KIF21A: variants seen among roughly 807,000 people sequenced by gnomAD.
KIF21A encodes kinesin-like protein KIF21A.
A neutral mutation model predicts 202.9 loss-of-function variants in KIF21A; 114 were observed. The observed-to-expected ratio is 0.56, with a 90% CI of 0.48 to 0.66. The LOEUF (loss-of-function observed/expected upper bound fraction) is 0.66, where lower values mean the gene tolerates loss of function less well. KIF21A is among the 30% of genes least tolerant of loss of function. The probability of loss-of-function intolerance (pLI) is 0.00; values close to 1 mark genes in which losing one functional copy is unlikely to be tolerated. For synonymous variants in KIF21A, 667 were observed against 670.8 expected, an observed-to-expected ratio of 0.99 and a Z score of 0.09; for missense variants, 1,677 against 1,994.9, an observed-to-expected ratio of 0.84 and a Z score of 3.04.
chr12:39,355,672 C>T (rs189236068), intron 10 of KIF21A, among the ~76,000 whole-genome samples: 174 of 136,458 alleles, frequency 1.3e-3, no homozygotes, highest in Non-Finnish European at 2.3e-4. Context: ...TGCAGTGCCT[C>T]AAAGGTCTCT....
At chr12:39,311,275 A>G in intron 32 of KIF21A, 142 bp downstream of exon 32, 2 of 719,674 alleles carry the variant, frequency 2.8e-6, no homozygotes, top group Non-Finnish European at 4.5e-6. Context: ...ATAATTTTAT[A>G]TATTTTACAT....
At chr12:39,309,163 C>A (rs1291106288) in intron 33 of KIF21A, among the ~76,000 whole-genome samples, 6 of 152,132 alleles carry the variant, frequency 3.9e-5, no homozygotes, top group African/African-American at 1.4e-4. Flanking sequence ...GCTTTTCAAT[C>A]TCTGTTAATT....
chr12:39,349,460 A>G (rs1252042481), intron 11 of KIF21A, among the ~76,000 whole-genome samples: 2 of 152,084 alleles, frequency 1.3e-5, no homozygotes, highest in Non-Finnish European at 2.9e-5. Flanking sequence ...AATGTAACTC[A>G]ACCAGAATCA....
intron 24 of KIF21A, among the ~76,000 whole-genome samples, chr12:39,329,301 A>G (rs1398837823): frequency 2.0e-5 from 3 of 152,230 alleles, no homozygotes; most frequent in African/African-American, 7.2e-5. Flanking sequence ...AATTTGTTTG[A>G]AAGTTGGAAA....
Position 39,301,662 on chromosome 12 carries a change from A to G in KIF21A, c.4749T>C (p.His1583=). 1 of 1,614,086 alleles carries G rather than the reference A, an allele frequency of 6.2e-7. No homozygotes were observed. Among genetic ancestry groups the G allele is most frequent in the Non-Finnish European group, 8.5e-7 (1 of 1,179,966 alleles). ...KDLLQQVPNA[H]KDWVCALGVV... Reference sequence around the variant, plus strand: ...CTCCCAGGGCACAGACCCAATCCTTATGTGCATTTGGAACTTGCTAAAAGA... The same window carrying G: ...CTCCCAGGGCACAGACCCAATCCTTGTGTGCATTTGGAACTTGCTAAAAGA... Residue 1583 remains histidine, a synonymous_variant, in exon 37 of 38, where the codon CAT becomes CAC. Coordinates refer to ENST00000361418, the MANE Select transcript of KIF21A (RefSeq NM_001173464.2).
intron 1 of KIF21A, among the ~76,000 whole-genome samples, chr12:39,388,031 A>T (rs968054067): frequency 1.3e-5 from 2 of 152,116 alleles, no homozygotes; most frequent in African/African-American, 4.8e-5. Context: ...AGTTCTTTCG[A>T]AGAAAAGAGC....
Position 39,315,970 on chromosome 12 carries a change from C to A in KIF21A, c.3909G>T (p.Lys1303Asn). The change falls in exon 30 of 38, where the codon AAG becomes AAT. Residue 1303 changes from lysine (K) to asparagine (N), a missense_variant and splice_region_variant. Coordinates refer to ENST00000361418, the MANE Select transcript of KIF21A (RefSeq NM_001173464.2). Reference protein sequence around the residue: ...SQGNTSVQQDKSDESDSSLSE... With the variant: ...SQGNTSVQQDNSDESDSSLSE... Reference sequence around the variant, plus strand: ...AGAGAGAGGAGTCACTTTCATCAGACCTATAGTGAAAGAGTTAGAATTATG... The same window carrying A: ...AGAGAGAGGAGTCACTTTCATCAGAACTATAGTGAAAGAGTTAGAATTATG... 6.3e-7 allele frequency: 1 copy of A among 1,597,788 alleles called. No homozygotes were observed. Among genetic ancestry groups the A allele is most frequent in the Non-Finnish European group, 8.6e-7 (1 of 1,165,778 alleles).
At chr12:39,436,454 T>TATATATATATATAA (rs1938783990) in intron 1 of KIF21A, among the ~76,000 whole-genome samples, 1 of 92,532 alleles carries the variant, frequency 1.1e-5, no homozygotes, top group Non-Finnish European at 2.1e-5. Flanking sequence ...ATATATTTTT[T>TATATATATATATAA]TTTTTTTTAG....
chr12:39,412,436 C>A (rs1402105116), intron 1 of KIF21A, among the ~76,000 whole-genome samples: 1 of 152,094 alleles, frequency 6.6e-6, no homozygotes, highest in Non-Finnish European at 1.5e-5. Context: ...GTAATTAGCG[C>A]CCAGGTGTGG....
chr12:39,330,578 AC>A (rs1365575041), intron 23 of KIF21A, among the ~76,000 whole-genome samples, 167 bp downstream of exon 23: 1 of 152,198 alleles, frequency 6.6e-6, no homozygotes, highest in Non-Finnish European at 1.5e-5. Flanking sequence ...GACAATAATT[AC>A]CTCGCCAAAA....
At chr12:39,352,729 G>A (rs537383245) in intron 10 of KIF21A, among the ~76,000 whole-genome samples, 1 of 152,240 alleles carries the variant, frequency 6.6e-6, no homozygotes, top group African/African-American at 2.4e-5. Flanking sequence ...TATAGCGTGG[G>A]AAAAGACAGT....
At chr12:39,436,422 T>TTATATATATATATATATATATA (rs1199818833) in intron 1 of KIF21A, among the ~76,000 whole-genome samples, 102 of 99,050 alleles carry the variant, frequency 1.0e-3, no homozygotes, top group African/African-American at 1.2e-3. Context: ...GTTTACTATA[T>TTATATATATATATATATATATA]TATATATATA....
At chr12:39,436,448 A>ATATATATATATTTTT (rs1387332677) in intron 1 of KIF21A, among the ~76,000 whole-genome samples, 5 of 95,766 alleles carry the variant, frequency 5.2e-5, no homozygotes, top group South Asian at 3.9e-4. Flanking sequence ...ATATATATAT[A>ATATATATATATTTTT]TTTTTTTTTT....
At chr12:39,358,405 C>T (rs1328430936) in intron 7 of KIF21A, 32 bp from the exon 8 acceptor site, 9 of 1,569,408 alleles carry the variant, frequency 5.7e-6, no homozygotes, top group Non-Finnish European at 7.0e-6. Context: ...TAGGCTTACA[C>T]ATAAAAGCAC....
At chr12:39,340,450 AGAGCTACTT>A (rs1415738017) in intron 15 of KIF21A, 86 bp from the exon 16 acceptor site, 85 of 1,010,868 alleles carry the variant, frequency 8.4e-5, no homozygotes, top group Middle Eastern at 3.1e-4. Context: ...TCCTAAGAGA[AGAGCTACTT>A]CCCAAACACC....
intron 10 of KIF21A, among the ~76,000 whole-genome samples, chr12:39,354,768 G>T (rs2138763411): frequency 6.6e-6 from 1 of 152,168 alleles, no homozygotes; most frequent in African/African-American, 2.4e-5. Flanking sequence ...TGAGAATTTG[G>T]ACCTAAATAT....
intron 24 of KIF21A, among the ~76,000 whole-genome samples, chr12:39,328,971 T>G: frequency 6.6e-6 from 1 of 152,344 alleles, no homozygotes; most frequent in East Asian, 1.9e-4. Flanking sequence ...AATCTGTTCA[T>G]AGTCTCTCCT....
chr12:39,376,684 A>G (rs75879037), intron 1 of KIF21A, among the ~76,000 whole-genome samples: 10,334 of 152,244 alleles, frequency 0.068, 539 homozygotes, highest in South Asian at 0.28. Flanking sequence ...TTTCAAAATT[A>G]TAAGACTAGC....
chr12:39,412,420 T>TG (rs1196651239), intron 1 of KIF21A, among the ~76,000 whole-genome samples: 42 of 152,170 alleles, frequency 2.8e-4, no homozygotes, highest in African/African-American at 1.0e-3. Flanking sequence ...AAGGACTTGT[T>TG]GAAAAGTAAT....
Sources: gnomAD v4.1 joint callset for allele counts (sites outside exome capture counted in the v4.1 genomes callset) on GRCh38, gnomAD v4.1.1 for gene constraint, MANE v1.5 for transcripts, NCBI Gene and HGNC (gene_info 2026-07-23, HGNC 2026-07-21) for gene names.